CAST: variants seen among roughly 807,000 people sequenced by gnomAD.
The protein encoded by CAST is calpastatin.
A neutral mutation model predicts 119.6 loss-of-function variants in CAST; 76 were observed. The observed-to-expected ratio is 0.64, with a 90% confidence interval of 0.53 to 0.77. The LOEUF (loss-of-function observed/expected upper bound fraction) is 0.77. Among genes scored for constraint, CAST ranks in the 30% least tolerant of loss-of-function variants. CAST has a pLI of 0.00. For synonymous variants in CAST, 319 were observed against 331.6 expected (o/e 0.96, Z 0.41); for missense variants, 953 against 946.5 (o/e 1.01, Z -0.09).
chr5:96,209,880 G>A, the CAST span, among the ~76,000 whole-genome samples: 1 of 151,744 alleles, frequency 6.6e-6, no homozygotes, highest in Non-Finnish European at 1.5e-5. Context: ...GGCCTCTGTA[G>A]TAAGGTTGGG....
At chr5:96,719,104 A>G (rs1295094169) in intron 3 of CAST, among the ~76,000 whole-genome samples, 1 of 152,180 alleles carries the variant, frequency 6.6e-6, no homozygotes, top group Non-Finnish European at 1.5e-5. Flanking sequence ...CATCAGCTAC[A>G]TGTAGTGGCG....
the CAST span, among the ~76,000 whole-genome samples, chr5:96,441,620 G>C: frequency 1.3e-5 from 2 of 151,808 alleles, no homozygotes; most frequent in African/African-American, 4.8e-5. Flanking sequence ...ATTGAAAGTG[G>C]CACCTTAGAA....
the CAST span, among the ~76,000 whole-genome samples, chr5:96,259,797 A>G: frequency 6.6e-6 from 1 of 151,612 alleles, no homozygotes; most frequent in Non-Finnish European, 1.5e-5. Context: ...GATTGATGCT[A>G]TTTCTTTACC....
the CAST span, among the ~76,000 whole-genome samples, chr5:96,032,080 C>G: frequency 2.6e-5 from 4 of 152,132 alleles, no homozygotes; most frequent in South Asian, 8.3e-4. Context: ...AGTGCCCTAA[C>G]CTTTGAAGTC....
At chr5:96,209,052 A>G in the CAST span, among the ~76,000 whole-genome samples, 10 of 151,982 alleles carry the variant, frequency 6.6e-5, no homozygotes, top group Middle Eastern at 3.2e-3. Context: ...TTCCTGTTGA[A>G]TTGAACCCCT....
intron 3 of CAST, 66 bp downstream of exon 3, chr5:96,695,973 G>A: frequency 9.3e-7 from 1 of 1,070,208 alleles, no homozygotes; most frequent in Non-Finnish European, 1.4e-6. Context: ...TAGTGGGTGG[G>A]GCCTGTAGGA....
the CAST span, among the ~76,000 whole-genome samples, chr5:96,246,748 C>T: frequency 6.6e-6 from 1 of 152,176 alleles, no homozygotes; most frequent in South Asian, 2.1e-4. Context: ...ACATATTTCA[C>T]CCACTTTCAC....
chr5:96,175,269 G>A, the CAST span, among the ~76,000 whole-genome samples: 2 of 152,184 alleles, frequency 1.3e-5, no homozygotes, highest in East Asian at 1.9e-4. Context: ...TTTGCATGAA[G>A]TACAAGGGAC....
upstream of CAST, among the ~76,000 whole-genome samples, chr5:96,657,252 G>T (rs1342993253): frequency 6.6e-6 from 1 of 152,178 alleles, no homozygotes; most frequent in Non-Finnish European, 1.5e-5. Flanking sequence ...TTTGGGTGTG[G>T]CGGTAGAAGC....
the CAST span, among the ~76,000 whole-genome samples, chr5:96,467,739 T>C: frequency 6.6e-6 from 1 of 152,078 alleles, no homozygotes; most frequent in South Asian, 2.1e-4. Context: ...CAATAGCTGT[T>C]GGCGTGGATG....
chr5:96,562,415 C>A (rs155216), intron 1 of CAST, among the ~76,000 whole-genome samples: 51,369 of 151,966 alleles, frequency 0.34, 9,336 homozygotes, highest in Middle Eastern at 0.46. Flanking sequence ...ATGCTAATTA[C>A]AACCACAATG....
At chr5:96,409,464 A>C in the CAST span, among the ~76,000 whole-genome samples, 1 of 152,194 alleles carries the variant, frequency 6.6e-6, no homozygotes, top group Non-Finnish European at 1.5e-5. Flanking sequence ...TTTGCGTAAG[A>C]AAAAGGTTAT....
the CAST span, among the ~76,000 whole-genome samples, chr5:96,194,031 C>T: frequency 6.6e-6 from 1 of 152,160 alleles, no homozygotes; most frequent in African/African-American, 2.4e-5. Context: ...GACACCTGGC[C>T]TGAGAAGAGA....
chr5:96,083,466 G>A, the CAST span, among the ~76,000 whole-genome samples: 90,742 of 152,008 alleles, frequency 0.6, 27,341 homozygotes, highest in Non-Finnish European at 0.62. Context: ...AGGCAGCAAC[G>A]TCCTCCCTCC....
rs553215139 is a variant in CAST, at chr5:96,611,864, A to G, written c.61-63675A>G. Among the ~76,000 whole-genome samples the G allele has an allele frequency of 5.9e-5, 9 of 152,022 alleles. No individual in the cohort carries two copies. In the South Asian group the frequency reaches 1.9e-3, roughly 32 times the overall value. On this transcript the variant is annotated intron_variant, in intron 1 of 11. Transcript: ENST00000505143. ...AAAATGCTCGACAACACTAATAATC[A>G]GGGAAATGCAAGTCAAAAACCGCAT...
chr5:96,579,464 G>A (rs1198033145), intron 1 of CAST, among the ~76,000 whole-genome samples: 5 of 152,102 alleles, frequency 3.3e-5, no homozygotes, highest in Admixed American at 6.5e-5. Flanking sequence ...CTTGCCCTTC[G>A]TGTCACCTGG....
At chr5:96,500,145 T>C in the CAST span, among the ~76,000 whole-genome samples, 2 of 152,020 alleles carry the variant, frequency 1.3e-5, no homozygotes, top group Non-Finnish European at 2.9e-5. Context: ...CTATAACAGA[T>C]AAAATAATGA....
At chr5:96,369,062 G>A in the CAST span, among the ~76,000 whole-genome samples, 7 of 151,674 alleles carry the variant, frequency 4.6e-5, no homozygotes, top group African/African-American at 7.3e-5. Flanking sequence ...TTTCATCCAT[G>A]CACCCTCAAT....
Position 96,635,031 on chromosome 5 carries a change from A to G in CAST, c.61-40508A>G, listed in dbSNP as rs1428889059. 5.3e-5 allele frequency among the ~76,000 whole-genome samples: 8 copies of G among 152,242 alleles called. 1 individual carries two copies. In the East Asian group the frequency reaches 1.3e-3, roughly 26 times the overall value. On this transcript the variant is annotated intron_variant, in intron 1 of 11. Transcript: ENST00000505143. ...GTATCAGAGAAATTCTCAGAAGAGT[A>G]TGACTAGAGGCTCTATGATTAGAGT...
Sources: gnomAD v4.1 joint callset for allele counts (sites outside exome capture counted in the v4.1 genomes callset) on GRCh38, gnomAD v4.1.1 for gene constraint, MANE v1.5 for transcripts, NCBI Gene and HGNC (gene_info 2026-07-23, HGNC 2026-07-21) for gene names.